Variants in LILRB3 observed in about 807,000 individuals in gnomAD.
LILRB3 encodes the protein leukocyte immunoglobulin like receptor B3, also known as leukocyte immunoglobulin-like receptor subfamily B member 3.
In LILRB3, 32 loss-of-function variants were observed where a neutral mutation model predicts 68.2. The ratio of observed to expected loss-of-function variants is 0.47; its 90% CI spans 0.35 to 0.63. LILRB3 has a LOEUF of 0.63. Among genes scored for constraint, LILRB3 ranks in the 30% least tolerant of loss-of-function variants. The probability of loss-of-function intolerance (pLI) is 0.00; values close to 1 mark genes in which losing one functional copy is unlikely to be tolerated. For missense variants in LILRB3, 502 were observed against 791.3 expected (o/e 0.63, Z 4.39); for synonymous variants, 185 against 323.1 (o/e 0.57, Z 4.58).
At chr19:54,219,561 GC>G in intron 7 of LILRB3, 1 of 1,549,034 alleles carries the variant, frequency 6.5e-7, no homozygotes, top group South Asian at 1.2e-5. Flanking sequence ...CTGAACCACG[GC>G]CCTGCTCCCC....
intron 8 of LILRB3, 24 bp downstream of exon 8, chr19:54,219,105 T>C (rs2077795103): frequency 6.4e-7 from 1 of 1,571,182 alleles, no homozygotes; most frequent in Non-Finnish European, 8.6e-7. Flanking sequence ...GGTCGACCCA[T>C]GGGTCCCCCG....
chr19:54,219,725 T>A (rs1303257632), intron 7 of LILRB3: 20 of 1,478,618 alleles, frequency 1.4e-5, no homozygotes, highest in Non-Finnish European at 1.3e-5. Context: ...CAGGCCTCTC[T>A]CCTTTACACT....
chr19:54,217,980 C>G (rs1325769545), intron 11 of LILRB3, among the ~76,000 whole-genome samples: 1 of 147,818 alleles, frequency 6.8e-6, no homozygotes, highest in Non-Finnish European at 1.5e-5. Context: ...CGGCTTTGCT[C>G]CCTGCTGTGT....
At chr19:54,217,327 C>A (rs1600816389) in exon 12 of LILRB3, 1 of 1,587,906 alleles carries the variant, frequency 6.3e-7, no homozygotes, top group Non-Finnish European at 8.6e-7. Flanking sequence ...ACCTCAGTGT[C>A]CATCTGCCTG....
At chr19:54,218,739 C>T (rs752796001) in intron 9 of LILRB3, 24 bp downstream of exon 9, 3 of 1,614,050 alleles carry the variant, frequency 1.9e-6, no homozygotes, top group Non-Finnish European at 2.5e-6. Context: ...GGGTGGGAGT[C>T]TGTGGTCTTT....
chr19:54,218,610 C>A, intron 10 of LILRB3, 35 bp downstream of exon 10: 1 of 1,614,122 alleles, frequency 6.2e-7, no homozygotes, highest in Non-Finnish European at 8.5e-7. Flanking sequence ...TCCTGTCTCT[C>A]CAGCACCCCC....
At chr19:54,220,968 C>G (rs1302706379) in intron 5 of LILRB3, 115 bp downstream of exon 5, 3 of 1,085,226 alleles carry the variant, frequency 2.8e-6, no homozygotes, top group African/African-American at 4.8e-5. Flanking sequence ...CTGTCTCTGT[C>G]TGTCTCTCCC....
At chr19:54,219,911 C>A in intron 7 of LILRB3, 1 of 1,544,240 alleles carries the variant, frequency 6.5e-7, no homozygotes, top group East Asian at 2.4e-5. Flanking sequence ...GGCTGGTCCT[C>A]AGGACCTCCT....
chr19:54,219,171 GGAA>G lies in LILRB3; in HGVS notation c.1381_1383del (p.Phe461del), dbSNP rs548285509. The G allele has an allele frequency of 1.7e-5, 28 of 1,608,314 alleles. No individual in the cohort carries two copies. In the African/African-American group the frequency reaches 1.7e-4, roughly 10 times the overall value. ...CTGTGACGCTGACGGAGGAGGAGGAGGAAGAGGAGGAGGAAGAGCAGCAGGACG... is the reference window on the plus strand; with the variant it reads ...CTGTGACGCTGACGGAGGAGGAGGAGGAGGAGGAGGAAGAGCAGCAGGACG... On this transcript the variant is annotated inframe_deletion, in exon 8 of 13. Transcript: ENST00000445347.
At chr19:54,219,188 A>G in exon 8 of LILRB3, 1 of 1,604,460 alleles carries the variant, frequency 6.2e-7, no homozygotes, top group Middle Eastern at 1.7e-4. Context: ...GAGGAGGAAG[A>G]GCAGCAGGAC....
intron 8 of LILRB3, 129 bp from the exon 9 acceptor site, chr19:54,218,967 A>G: frequency 2.6e-6 from 4 of 1,534,104 alleles, no homozygotes; most frequent in Non-Finnish European, 3.5e-6. Flanking sequence ...TATGAGATAG[A>G]AAAAAACTCC....
At position 54,220,814 on chromosome 19, in the gene LILRB3, G is replaced by A. The variant is rs141363258; in HGVS notation, c.972C>T (p.Thr324=). The A allele has an allele frequency of 1.1e-4, 154 of 1,459,950 alleles. 11 individuals are homozygous for A. Among genetic ancestry groups the A allele is most frequent in the Admixed American group, 4.3e-4 (19 of 44,108 alleles). 90.4% of individuals were successfully genotyped at this position (1,459,950 alleles called of 1,614,324 possible). The change falls in exon 6 of 13, where the codon ACC becomes ACT. Residue 324 remains threonine, a synonymous_variant. Transcript: ENST00000445347. ...GGCCCGGCTGTGCTGACAGGGAGAC[G>A]GTGTCATAGATCTGTCCTGGAGAGA...
chr19:54,216,928 C>A, exon 13 of LILRB3: 1 of 1,456,748 alleles, frequency 6.9e-7, no homozygotes, highest in East Asian at 2.5e-5. Context: ...CGATATTAGT[C>A]ATCTTTGAGT....
rs977736828 is a variant in LILRB3 at position 54,219,062 on chromosome 19, G to A, written c.1426+67C>T. ...TAAACTGACACCCCTGTGTGTTTGGGTTCCCTCTGGCTGGTGCCCTGAGCC... is the reference window on the plus strand; with the variant it reads ...TAAACTGACACCCCTGTGTGTTTGGATTCCCTCTGGCTGGTGCCCTGAGCC... On this transcript the variant is annotated intron_variant, in intron 8 of 12. Coordinates refer to ENST00000445347, the Ensembl canonical transcript of LILRB3. 1.2e-5 allele frequency: 19 copies of A among 1,539,874 alleles called. No homozygotes were observed. The South Asian group carries it at 2.2e-4, about 17-fold the overall frequency.
chr19:54,220,766 G>C, exon 6 of LILRB3: 2 of 1,521,592 alleles, frequency 1.3e-6, no homozygotes, highest in African/African-American at 1.6e-5. Flanking sequence ...GCAGGGTCAT[G>C]TTCTCTCCTG....
intron 8 of LILRB3, 137 bp from the exon 9 acceptor site, chr19:54,218,975 T>C (rs2077775067): frequency 6.5e-7 from 1 of 1,527,488 alleles, no homozygotes; most frequent in Non-Finnish European, 8.8e-7. Flanking sequence ...AGAAAAAAAC[T>C]CCCATGAATA....
In LILRB3 at chr19:54,219,252, A is replaced by G. The variant is rs2077823685; in HGVS notation, c.1310-7T>C. On this transcript the variant is annotated splice_region_variant and splice_polypyrimidine_tract_variant and intron_variant, in intron 7 of 12. Coordinates refer to ENST00000445347, the Ensembl canonical transcript of LILRB3. ...TCCAGGTATCTTCCCAGACCTTGAC[A>G]TGAGGACGTCAGGAGTGGGAATGAT... 1.3e-6 allele frequency: 2 copies of G among 1,552,184 alleles called. No homozygotes were observed. The highest frequency in any genetic ancestry group is 1.7e-6 in the Non-Finnish European group (2 of 1,150,470).
chr19:54,217,202 G>A, exon 13 of LILRB3: 1 of 1,613,460 alleles, frequency 6.2e-7, no homozygotes, highest in South Asian at 1.1e-5. Context: ...GTGCAGCTGG[G>A]CGTAGGTCAC....
At chr19:54,217,972 G>A (rs529033199) in intron 11 of LILRB3, among the ~76,000 whole-genome samples, 1 of 148,730 alleles carries the variant, frequency 6.7e-6, no homozygotes, top group African/African-American at 2.6e-5. Context: ...GGCGGGGGCG[G>A]CTTTGCTCCC....
Sources: allele counts gnomAD v4.1 joint callset (sites outside exome capture counted in the v4.1 genomes callset), GRCh38; gene constraint gnomAD v4.1.1; transcripts MANE v1.5; gene names NCBI Gene and HGNC (gene_info 2026-07-23, HGNC 2026-07-21).